SORCS1: variants seen among roughly 807,000 people sequenced by gnomAD.
SORCS1 encodes sortilin related VPS10 domain containing receptor 1, also known as VPS10 domain-containing receptor SorCS1.
A neutral mutation model predicts 146.1 loss-of-function variants in SORCS1; 60 were observed. The ratio of observed to expected loss-of-function variants is 0.41; its 90% CI spans 0.33 to 0.51. SORCS1 has a LOEUF of 0.51. SORCS1 is among the 20% of genes least tolerant of loss of function. The pLI is 0.21. For missense variants in SORCS1, 1,352 were observed against 1,487.6 expected (o/e 0.91, Z 1.50); for synonymous variants, 637 against 584.0 (o/e 1.09, Z -1.31).
At chr10:106,711,553 T>G (rs139295588) in intron 6 of SORCS1, among the ~76,000 whole-genome samples, 1 of 152,188 alleles carries the variant, frequency 6.6e-6, no homozygotes, top group African/African-American at 2.4e-5. Flanking sequence ...CAATGACTGA[T>G]GGGGTTTCTG....
At chr10:107,128,500 G>C (rs1410063055) in intron 1 of SORCS1, among the ~76,000 whole-genome samples, 1 of 152,180 alleles carries the variant, frequency 6.6e-6, no homozygotes, top group Admixed American at 6.5e-5. Context: ...GTTGGCTTTG[G>C]ATAAGTGTCT....
intron 1 of SORCS1, among the ~76,000 whole-genome samples, chr10:107,056,600 C>T (rs745498284): frequency 7.9e-5 from 12 of 152,170 alleles, no homozygotes; most frequent in Non-Finnish European, 1.3e-4. Context: ...ACATAACCAT[C>T]GATAGCTAAT....
At chr10:106,992,030 G>A (rs1027412824) in intron 1 of SORCS1, among the ~76,000 whole-genome samples, 3 of 143,306 alleles carry the variant, frequency 2.1e-5, no homozygotes, top group African/African-American at 6.1e-5. Flanking sequence ...AATGTGACTC[G>A]TTGTGAATAT....
chr10:106,654,160 T>C (rs1467825690), intron 17 of SORCS1, among the ~76,000 whole-genome samples: 2 of 152,220 alleles, frequency 1.3e-5, no homozygotes, highest in African/African-American at 2.4e-5. Flanking sequence ...TTTCCCTGAA[T>C]ATAAGAGTAA....
At chr10:106,877,284 T>C (rs1434272809) in intron 2 of SORCS1, among the ~76,000 whole-genome samples, 1 of 152,172 alleles carries the variant, frequency 6.6e-6, no homozygotes, top group Non-Finnish European at 1.5e-5. Context: ...TAGAACTCTA[T>C]TCAAAGAATA....
chr10:106,765,672 G>C (rs903863593), intron 4 of SORCS1, among the ~76,000 whole-genome samples: 1 of 152,094 alleles, frequency 6.6e-6, no homozygotes, highest in African/African-American at 2.4e-5. Flanking sequence ...GTCTACAGCA[G>C]ATGAAGATGG....
At chr10:106,852,627 C>CA (rs370300215) in intron 2 of SORCS1, among the ~76,000 whole-genome samples, 4,402 of 84,648 alleles carry the variant, frequency 0.052, 227 homozygotes, top group African/African-American at 0.14. Flanking sequence ...GACCCTGTCT[C>CA]AAAAAAAAAA....
chr10:106,638,503 G>A (rs1210072389), intron 18 of SORCS1, among the ~76,000 whole-genome samples: 1 of 152,140 alleles, frequency 6.6e-6, no homozygotes, highest in African/African-American at 2.4e-5. Context: ...TACCTTGTTG[G>A]TGAATATCAT....
the SORCS1 span, among the ~76,000 whole-genome samples, chr10:107,176,830 T>A: frequency 6.6e-5 from 10 of 152,078 alleles, no homozygotes; most frequent in Non-Finnish European, 1.2e-4. Context: ...TTAGTGTTTT[T>A]TATATATATA....
intron 1 of SORCS1, among the ~76,000 whole-genome samples, chr10:107,078,805 G>T (rs1020069340): frequency 6.6e-6 from 1 of 152,174 alleles, no homozygotes; most frequent in Non-Finnish European, 1.5e-5. Flanking sequence ...TTTCACTGTG[G>T]TTGTATTTGT....
intron 2 of SORCS1, among the ~76,000 whole-genome samples, chr10:106,942,277 C>T (rs1468134132): frequency 1.3e-5 from 2 of 152,156 alleles, no homozygotes. Flanking sequence ...TACTGTTTCA[C>T]TGTTTGTCCT....
chr10:106,726,359 C>CAAAAAAAA (rs60801871), intron 6 of SORCS1, among the ~76,000 whole-genome samples: 7 of 43,592 alleles, frequency 1.6e-4, no homozygotes, highest in South Asian at 1.7e-3. Context: ...GCTGCCTTCG[C>CAAAAAAAA]AAAAAAAAAA....
chr10:107,130,766 C>A (rs1022609363), intron 1 of SORCS1, among the ~76,000 whole-genome samples: 1 of 151,314 alleles, frequency 6.6e-6, no homozygotes, highest in Non-Finnish European at 1.5e-5. Context: ...CTAGATTACT[C>A]TTTTAATTGG....
chr10:106,814,263 T>C (rs561156745), intron 3 of SORCS1, among the ~76,000 whole-genome samples: 2 of 152,344 alleles, frequency 1.3e-5, no homozygotes, highest in African/African-American at 4.8e-5. Flanking sequence ...TGCCTTTACA[T>C]TTTCTCTGTG....
At chr10:106,853,201 TTG>T (rs2137314003) in intron 2 of SORCS1, among the ~76,000 whole-genome samples, 1 of 152,284 alleles carries the variant, frequency 6.6e-6, no homozygotes, top group Admixed American at 6.5e-5. Context: ...TTTTGGCAGA[TTG>T]TGTCTTTCAA....
chr10:107,117,509 C>A (rs533187661), intron 1 of SORCS1, among the ~76,000 whole-genome samples: 1 of 152,094 alleles, frequency 6.6e-6, no homozygotes, highest in East Asian at 1.9e-4. Flanking sequence ...CCCAGGAAAG[C>A]GCTGGGGGTG....
At chr10:106,983,156 A>C (rs1956305847) in intron 1 of SORCS1, among the ~76,000 whole-genome samples, 1 of 147,698 alleles carries the variant, frequency 6.8e-6, no homozygotes, top group Non-Finnish European at 1.5e-5. Flanking sequence ...CTATATATAC[A>C]CATATTTCTA....
intron 2 of SORCS1, among the ~76,000 whole-genome samples, chr10:106,855,244 A>G (rs1297370411): frequency 6.6e-6 from 1 of 152,130 alleles, no homozygotes; most frequent in African/African-American, 2.4e-5. Flanking sequence ...TGTATTTTTC[A>G]TCTGTGCCTC....
intron 18 of SORCS1, among the ~76,000 whole-genome samples, chr10:106,646,344 TAA>T (rs745776845): frequency 1.3e-5 from 2 of 152,182 alleles, no homozygotes; most frequent in African/African-American, 4.8e-5. Flanking sequence ...TTTGCTGTTT[TAA>T]AAAAGTCTTT....
Sources: allele counts gnomAD v4.1 joint callset (sites outside exome capture counted in the v4.1 genomes callset), GRCh38; gene constraint gnomAD v4.1.1; transcripts MANE v1.5; gene names NCBI Gene and HGNC (gene_info 2026-07-23, HGNC 2026-07-21).